The following MTMR14 variants were observed in gnomAD, a reference collection of about 807,000 sequenced individuals.
MTMR14 encodes the protein myotubularin related protein 14.
A neutral mutation model predicts 86.3 loss-of-function variants in MTMR14; 48 were observed. The observed-to-expected ratio is 0.56, with a 90% CI of 0.44 to 0.71. The LOEUF (loss-of-function observed/expected upper bound fraction) is 0.71, where lower values mean the gene tolerates loss of function less well. MTMR14 is among the 30% of genes least tolerant of loss of function. MTMR14 has a pLI of 0.00. For missense variants in MTMR14, 780 were observed against 834.6 expected, an observed-to-expected ratio of 0.93 and a Z score of 0.81; for synonymous variants, 366 against 326.1, an observed-to-expected ratio of 1.12 and a Z score of -1.32.
At position 9,690,122 on chromosome 3, in the gene MTMR14, C is replaced by T. The variant is rs1329927679; in HGVS notation, c.1592C>T (p.Pro531Leu). 1 of 1,613,754 alleles carries T rather than the reference C, an allele frequency of 6.2e-7. No individual in the cohort carries two copies. The highest frequency in any genetic ancestry group is 2.2e-5 in the East Asian group (1 of 44,880). Residue 531 changes from proline (P) to leucine (L), a missense_variant, in exon 17 of 19, where the codon CCC becomes CTC. Transcript: ENST00000296003. ...AACTTTTTCAGGATGGGTAGCAGTCCCCTGGAGGTCCCCAAACCCAGGTGA... is the reference window on the plus strand; with the variant it reads ...AACTTTTTCAGGATGGGTAGCAGTCTCCTGGAGGTCCCCAAACCCAGGTGA... ...SDNFFRMGSS[P>L]LEVPKPRSVD...
chr3:9,676,104 G>A (rs1043620226), intron 7 of MTMR14, among the ~76,000 whole-genome samples: 16 of 152,140 alleles, frequency 1.1e-4, no homozygotes, highest in Admixed American at 5.9e-4. Context: ...GAGTTGCTGC[G>A]ACATTCCATG....
At chr3:9,658,565 C>T (rs1007598488) in intron 2 of MTMR14, among the ~76,000 whole-genome samples, 6 of 152,284 alleles carry the variant, frequency 3.9e-5, no homozygotes, top group African/African-American at 1.4e-4. Flanking sequence ...GAGGCCCTGC[C>T]GGATAGTGGT....
chr3:9,687,977 T>G, intron 14 of MTMR14, 86 bp downstream of exon 14: 3 of 1,121,232 alleles, frequency 2.7e-6, no homozygotes, highest in Non-Finnish European at 2.6e-6. Context: ...GACCACCTCA[T>G]TCCCGCCCTG....
At chr3:9,686,680 T>C (rs1363992659) in intron 13 of MTMR14, among the ~76,000 whole-genome samples, 1 of 152,266 alleles carries the variant, frequency 6.6e-6, no homozygotes, top group Admixed American at 6.5e-5. Flanking sequence ...ATTTTCATAC[T>C]GACCCGACCT....
chr3:9,657,954 A>T (rs2047709102), intron 2 of MTMR14, among the ~76,000 whole-genome samples: 1 of 151,818 alleles, frequency 6.6e-6, no homozygotes, highest in South Asian at 2.1e-4. Flanking sequence ...GTATTTCCTG[A>T]CTCTGTACCT....
At chr3:9,649,788 A>G in intron 1 of MTMR14, 46 bp downstream of exon 1, 1 of 1,608,786 alleles carries the variant, frequency 6.2e-7, no homozygotes, top group South Asian at 1.1e-5. Context: ...CTAACTTGGG[A>G]AGTTACAGAG....
chr3:9,675,609 C>T (rs1225372513), intron 7 of MTMR14: 3 of 457,288 alleles, frequency 6.6e-6, no homozygotes, highest in African/African-American at 6.0e-5. Flanking sequence ...GAGTGAATGG[C>T]ACTTCTCATC....
At chr3:9,663,576 C>T (rs1489155286) in intron 3 of MTMR14, among the ~76,000 whole-genome samples, 2 of 127,394 alleles carry the variant, frequency 1.6e-5, no homozygotes, top group South Asian at 2.7e-4. Flanking sequence ...TGCAGTGGTG[C>T]GATCTCAGCT....
At position 9,669,416 on chromosome 3, in the gene MTMR14, T is replaced by C. The variant is rs2048446174; in HGVS notation, c.494-16T>C. The C allele has an allele frequency of 1.2e-6, 2 of 1,613,292 alleles. No individual in the cohort carries two copies. The highest frequency in any genetic ancestry group is 1.7e-5 in the Admixed American group (1 of 59,948). ...GGTCACCAGCCTCAGTACTGACAGA[T>C]AGGTTTCTCTGGCAGGGGGTGCAGA... On this transcript the variant is annotated splice_polypyrimidine_tract_variant and intron_variant, in intron 4 of 18. Coordinates refer to ENST00000296003, the MANE Select transcript of MTMR14 (RefSeq NM_001077525.3).
chr3:9,701,168 G>A lies in MTMR14; in HGVS notation c.1770-622G>A, dbSNP rs563443656. 36 of 160,058 alleles carry A rather than the reference G, an allele frequency of 2.2e-4. No homozygotes were observed. Among genetic ancestry groups the A allele is most frequent in the South Asian group, 3.6e-4 (2 of 5,584 alleles). The allele number at this position is 160,058 out of a possible 1,614,324, so 9.9% of individuals were successfully genotyped here. ...GTTAGGTATAAGACTTCATGCCTCA[G>A]CTTGCTCTTCCTGAGGAGTGGAAGC... On this transcript the variant is annotated intron_variant, in intron 18 of 18. Coordinates refer to ENST00000296003, the MANE Select transcript of MTMR14 (RefSeq NM_001077525.3). The surrounding 1 kb of genome is among the most constrained non-coding windows in gnomAD (Gnocchi z 4.2).
chr3:9,655,567 TCTC>T (rs1408745991), intron 2 of MTMR14, among the ~76,000 whole-genome samples: 1 of 142,152 alleles, frequency 7.0e-6, no homozygotes, highest in African/African-American at 2.6e-5. Flanking sequence ...TTCAAGCAAT[TCTC>T]CTGCCTCAGC....
chr3:9,702,037 C>T lies in MTMR14; in HGVS notation c.*64C>T. On this transcript the variant is annotated 3_prime_UTR_variant, in exon 19 of 19. Coordinates refer to ENST00000296003, the MANE Select transcript of MTMR14 (RefSeq NM_001077525.3). ...CTGAGCCCTTAGCAGAGAATCAAAGCCATGCCTGGCCGAAGGGGTACTTCC... is the reference window on the plus strand; with the variant it reads ...CTGAGCCCTTAGCAGAGAATCAAAGTCATGCCTGGCCGAAGGGGTACTTCC... 3 of 1,600,982 alleles carry T rather than the reference C, an allele frequency of 1.9e-6. No individual in the cohort carries two copies. Among genetic ancestry groups the T allele is most frequent in the Non-Finnish European group, 2.6e-6 (3 of 1,170,506 alleles).
chr3:9,678,871 C>G (rs919751431), intron 9 of MTMR14, among the ~76,000 whole-genome samples: 2 of 152,216 alleles, frequency 1.3e-5, no homozygotes, highest in African/African-American at 4.8e-5. Context: ...AGGACAGGGA[C>G]CCACAGCTTG....
At chr3:9,657,112 G>A (rs149943024) in intron 2 of MTMR14, among the ~76,000 whole-genome samples, 3 of 151,872 alleles carry the variant, frequency 2.0e-5, no homozygotes, top group African/African-American at 4.8e-5. Context: ...ACCAGGTCTC[G>A]CTGCATTGCC....
chr3:9,653,823 C>A, intron 2 of MTMR14, 54 bp downstream of exon 2: 1 of 1,611,296 alleles, frequency 6.2e-7, no homozygotes, highest in African/African-American at 1.3e-5. Context: ...GGCAGCTAAT[C>A]CCTGTGGCCA....
Position 9,673,927 on chromosome 3 carries a change from A to T in MTMR14, c.751+1169A>T, listed in dbSNP as rs1380734810. On this transcript the variant is annotated intron_variant, in intron 7 of 18. Transcript: ENST00000296003. ...GTTTGCGCTGATGCAGATGATGATG[A>T]TGGTGGTGATGATGTTGATGATGGT... 2.0e-5 allele frequency among the ~76,000 whole-genome samples: 3 copies of T among 152,050 alleles called. No homozygotes were observed. The East Asian group carries it at 5.8e-4, about 29-fold the overall frequency.
intron 11 of MTMR14, 95 bp from the exon 12 acceptor site, chr3:9,684,793 G>C (rs889575762): frequency 6.5e-7 from 1 of 1,544,032 alleles, no homozygotes; most frequent in South Asian, 1.1e-5. Context: ...GTCCTTCCGG[G>C]TGTTCTTCAG....
chr3:9,697,639 A>G (rs2076321623), intron 17 of MTMR14, 72 bp from the exon 18 acceptor site: 2 of 1,559,568 alleles, frequency 1.3e-6, no homozygotes, highest in African/African-American at 1.4e-5. Context: ...CTAGTCCCCT[A>G]GCCCCCTCCA....
chr3:9,650,703 G>C (rs541698277), intron 1 of MTMR14, among the ~76,000 whole-genome samples: 3 of 151,968 alleles, frequency 2.0e-5, no homozygotes, highest in Non-Finnish European at 4.4e-5. Flanking sequence ...GTGCTTATGG[G>C]ATACTTTGTG....
Sources: gnomAD v4.1 joint callset for allele counts (sites outside exome capture counted in the v4.1 genomes callset) on GRCh38, gnomAD v4.1.1 for gene constraint, Gnocchi (gnomAD v3.1) non-coding constraint, MANE v1.5 for transcripts, NCBI Gene and HGNC (gene_info 2026-07-23, HGNC 2026-07-21) for gene names.